The following THSD4 variants were observed in gnomAD, a reference collection of about 807,000 sequenced individuals.
THSD4 encodes the protein thrombospondin type-1 domain-containing protein 4.
THSD4 carries 69 observed loss-of-function variants against 119.0 expected under a neutral mutation model. That is an observed-to-expected ratio of 0.58 (90% confidence interval 0.48 to 0.71). The LOEUF is 0.71. THSD4 is among the 30% of genes least tolerant of loss of function. The pLI, the probability that THSD4 is intolerant of heterozygous loss-of-function variation, is 0.00. For missense variants in THSD4, 1,393 were observed against 1,391.1 expected (o/e 1.00, Z -0.02); for synonymous variants, 524 against 540.4 (o/e 0.97, Z 0.42).
At position 71,344,323 on chromosome 15, in the gene THSD4, G is replaced by A. The variant is rs567954800; in HGVS notation, c.1016-67364G>A. ...CCCCCAAAGTACTGGGATTACAGGC[G>A]TGAGCCACTGTGCCCAGCCCAGCCA... On this transcript the variant is annotated intron_variant, in intron 6 of 17. Transcript: ENST00000261862. Among the ~76,000 whole-genome samples the A allele has an allele frequency of 3.9e-5, 6 of 152,222 alleles. No individual in the cohort carries two copies. The South Asian group carries it at 1.0e-3, about 26-fold the overall frequency.
At chr15:71,777,165 C>A in intron 17 of THSD4, 67 bp from the exon 18 acceptor site, 1 of 1,601,090 alleles carries the variant, frequency 6.2e-7, no homozygotes, top group Non-Finnish European at 8.6e-7. Flanking sequence ...ACTGCCCTTT[C>A]TCTTCCCACT....
chr15:71,559,463 C>T (rs1486063245), intron 7 of THSD4, among the ~76,000 whole-genome samples: 4 of 151,908 alleles, frequency 2.6e-5, no homozygotes, highest in Non-Finnish European at 5.9e-5. Context: ...GTGTTTTCTG[C>T]GATTTGAATG....
chr15:71,665,714 T>G (rs545958700), intron 8 of THSD4, among the ~76,000 whole-genome samples: 1 of 152,334 alleles, frequency 6.6e-6, no homozygotes, highest in East Asian at 1.9e-4. Context: ...CTTCTCCATA[T>G]GGCTAGCCAG....
At chr15:71,122,009 C>T (rs2040412952) in intron 1 of THSD4, among the ~76,000 whole-genome samples, 1 of 152,068 alleles carries the variant, frequency 6.6e-6, no homozygotes, top group Non-Finnish European at 1.5e-5. Context: ...GAGGGTAGAG[C>T]TGTGTCTTCA....
chr15:71,661,026 G>T (rs2051295629), intron 8 of THSD4, among the ~76,000 whole-genome samples: 1 of 152,208 alleles, frequency 6.6e-6, no homozygotes, highest in East Asian at 1.9e-4. Context: ...CCAAATTATT[G>T]CTCTGAGATG....
intron 4 of THSD4, among the ~76,000 whole-genome samples, chr15:71,231,976 A>G (rs1329931139): frequency 6.6e-6 from 1 of 152,086 alleles, no homozygotes; most frequent in African/African-American, 2.4e-5. Flanking sequence ...TTGGCAGGTG[A>G]TCCTAGTGGA....
chr15:71,497,380 G>A (rs1372506577), intron 7 of THSD4, among the ~76,000 whole-genome samples: 1 of 152,074 alleles, frequency 6.6e-6, no homozygotes, highest in African/African-American at 2.4e-5. Flanking sequence ...GGGTGTGATG[G>A]TGTGTGCCTG....
intron 7 of THSD4, among the ~76,000 whole-genome samples, chr15:71,647,964 G>A (rs2051003951): frequency 6.6e-6 from 1 of 152,188 alleles, no homozygotes; most frequent in South Asian, 2.1e-4. Context: ...CAGCCTGAGA[G>A]ATATAAGCGT....
At chr15:71,545,203 T>C (rs543410430) in intron 7 of THSD4, among the ~76,000 whole-genome samples, 2 of 152,306 alleles carry the variant, frequency 1.3e-5, no homozygotes, top group East Asian at 3.9e-4. Context: ...AAGGAGGACA[T>C]GGTTACAGAG....
At chr15:71,239,784 C>T (rs2044136965) in intron 4 of THSD4, among the ~76,000 whole-genome samples, 1 of 152,184 alleles carries the variant, frequency 6.6e-6, no homozygotes, top group African/African-American at 2.4e-5. Context: ...GTGGAGGCCC[C>T]CCTGCAAGCG....
chr15:71,750,252 T>C (rs2053423598), intron 14 of THSD4, among the ~76,000 whole-genome samples: 1 of 152,218 alleles, frequency 6.6e-6, no homozygotes, highest in Admixed American at 6.5e-5. Flanking sequence ...TCACGCAGTT[T>C]GGGGATATCA....
chr15:71,395,056 G>A (rs2046429851), intron 6 of THSD4, among the ~76,000 whole-genome samples: 1 of 152,166 alleles, frequency 6.6e-6, no homozygotes, highest in Admixed American at 6.5e-5. Context: ...GAATGCCTTT[G>A]CTGTGTTTCT....
intron 6 of THSD4, chr15:71,341,420 G>T (rs911760593): frequency 6.2e-7 from 1 of 1,612,600 alleles, no homozygotes; most frequent in African/African-American, 1.3e-5. Flanking sequence ...ATTACTCTCT[G>T]CGTTTTTAAG....
intron 1 of THSD4, among the ~76,000 whole-genome samples, chr15:71,097,543 G>T (rs113701272): frequency 6.7e-6 from 1 of 149,452 alleles, no homozygotes; most frequent in African/African-American, 2.5e-5. Context: ...TCCAGCCTGA[G>T]TGACAAAGCA....
intron 7 of THSD4, among the ~76,000 whole-genome samples, chr15:71,635,747 C>T (rs1320081756): frequency 6.6e-6 from 1 of 152,166 alleles, no homozygotes; most frequent in Non-Finnish European, 1.5e-5. Flanking sequence ...GGAGGTGAGA[C>T]TGGAAATAGT....
intron 6 of THSD4, among the ~76,000 whole-genome samples, chr15:71,366,955 C>G (rs927898486): frequency 4.6e-5 from 7 of 152,194 alleles, no homozygotes; most frequent in African/African-American, 1.7e-4. Context: ...GAAATGCCAG[C>G]ACAGCTCTCT....
intron 7 of THSD4, among the ~76,000 whole-genome samples, chr15:71,498,441 T>G (rs2048060732): frequency 2.0e-5 from 3 of 152,242 alleles, no homozygotes; most frequent in Admixed American, 1.3e-4. Flanking sequence ...TGATAGTAGT[T>G]GGGAAACAGT....
chr15:71,436,630 C>G (rs1255476982), intron 7 of THSD4, among the ~76,000 whole-genome samples: 1 of 152,054 alleles, frequency 6.6e-6, no homozygotes, highest in African/African-American at 2.4e-5. Context: ...GAAAGCTTCC[C>G]CCTTTACTTT....
At chr15:71,378,829 G>A (rs1191376489) in intron 6 of THSD4, among the ~76,000 whole-genome samples, 1 of 152,166 alleles carries the variant, frequency 6.6e-6, no homozygotes, top group African/African-American at 2.4e-5. Context: ...TGTTGCCCAG[G>A]CTGCAGTACA....
Sources: gnomAD v4.1 joint callset for allele counts (sites outside exome capture counted in the v4.1 genomes callset) on GRCh38, gnomAD v4.1.1 for gene constraint, MANE v1.5 for transcripts, NCBI Gene and HGNC (gene_info 2026-07-23, HGNC 2026-07-21) for gene names.